Variants in AP2B1 observed in about 807,000 individuals in gnomAD.
AP2B1 encodes the protein adaptor related protein complex 2 subunit beta 1.
A neutral mutation model predicts 102.0 loss-of-function variants in AP2B1; 23 were observed. The ratio of observed to expected loss-of-function variants is 0.23; its 90% CI spans 0.16 to 0.32. AP2B1 has a LOEUF of 0.32. AP2B1 is among the 10% of genes least tolerant of loss of function. The pLI is 1.00. For missense variants in AP2B1, 541 were observed against 1,157.4 expected (o/e 0.47, Z 7.73); for synonymous variants, 381 against 421.2 (o/e 0.90, Z 1.17).
At chr17:35,639,998 C>G (rs1025583455) in intron 11 of AP2B1, among the ~76,000 whole-genome samples, 1 of 152,092 alleles carries the variant, frequency 6.6e-6, no homozygotes, top group Non-Finnish European at 1.5e-5. Context: ...CTCACTGCAA[C>G]CTTTGCCTCC....
At chr17:35,642,472 A>G (rs1598148988) in intron 12 of AP2B1, among the ~76,000 whole-genome samples, 1 of 152,302 alleles carries the variant, frequency 6.6e-6, no homozygotes, top group South Asian at 2.1e-4. Context: ...GTCAGAAGAA[A>G]AGAAGTTTAG....
At chr17:35,594,397 T>C (rs1467592453) in intron 2 of AP2B1, among the ~76,000 whole-genome samples, 2 of 152,156 alleles carry the variant, frequency 1.3e-5, no homozygotes, top group African/African-American at 2.4e-5. Context: ...TATTAAATAA[T>C]TTTTACTTGG....
chr17:35,655,401 G>A (rs1018774012), intron 13 of AP2B1, among the ~76,000 whole-genome samples: 1 of 152,112 alleles, frequency 6.6e-6, no homozygotes, highest in Non-Finnish European at 1.5e-5. Context: ...CATTTTGTCT[G>A]TTCCTGAGTG....
intron 12 of AP2B1, 39 bp from the exon 13 acceptor site, chr17:35,650,491 A>G: frequency 6.2e-7 from 1 of 1,602,260 alleles, no homozygotes; most frequent in Non-Finnish European, 8.5e-7. Flanking sequence ...TATGGAGAAC[A>G]GTTTCATCTC....
At chr17:35,662,272 A>G (rs570218976) in intron 14 of AP2B1, among the ~76,000 whole-genome samples, 1 of 152,268 alleles carries the variant, frequency 6.6e-6, no homozygotes, top group Admixed American at 6.5e-5. Flanking sequence ...TTACTGAAAC[A>G]TCCTTATTTT....
intron 16 of AP2B1, among the ~76,000 whole-genome samples, chr17:35,673,603 A>G (rs2075636907): frequency 6.6e-6 from 1 of 152,234 alleles, no homozygotes; most frequent in Non-Finnish European, 1.5e-5. Flanking sequence ...CATTCAGATT[A>G]TATGAGCAAT....
At chr17:35,696,879 A>G (rs2076151366) in intron 18 of AP2B1, among the ~76,000 whole-genome samples, 1 of 152,038 alleles carries the variant, frequency 6.6e-6, no homozygotes, top group Admixed American at 6.6e-5. Context: ...TTTTCCCACC[A>G]CTGCTATGTC....
At position 35,624,587 on chromosome 17, in the gene AP2B1, G is replaced by T. The variant is rs375608434; in HGVS notation, c.716G>T (p.Ser239Ile). Reference sequence around the variant, plus strand: ...CCTAAAGATGATCGGGAGGCTCAGAGGTCAGTCTGTTTTCCTGGCTACTTT... The same window carrying T: ...CCTAAAGATGATCGGGAGGCTCAGATGTCAGTCTGTTTTCCTGGCTACTTT... ...YNPKDDREAQ[S>I]ICERVTPRLS... The change falls in exon 6 of 22, where the codon AGC (serine) becomes ATC (isoleucine). Residue 239 changes from serine to isoleucine, a missense_variant and splice_region_variant. By Grantham distance (142) the Ser-to-Ile change is moderately radical. Coordinates refer to ENST00000610402, the MANE Select transcript of AP2B1 (RefSeq NM_001030006.2). 3 of 1,608,570 alleles carry T rather than the reference G, an allele frequency of 1.9e-6. No individual in the cohort carries two copies. In the African/African-American group the frequency reaches 4.0e-5, roughly 22 times the overall value.
At chr17:35,612,878 GCGCACACACACA>G (rs1362591303) in intron 5 of AP2B1, among the ~76,000 whole-genome samples, 3 of 79,710 alleles carry the variant, frequency 3.8e-5, no homozygotes, top group East Asian at 3.6e-4. Flanking sequence ...ATGTGTATGT[GCGCACACACACA>G]CACACACACA....
intron 18 of AP2B1, among the ~76,000 whole-genome samples, chr17:35,697,883 T>G (rs902332865): frequency 1.2e-4 from 18 of 151,964 alleles, no homozygotes; most frequent in African/African-American, 4.3e-4. Context: ...AATCACAAAC[T>G]CAGGAGGCAG....
At chr17:35,602,963 C>T (rs1047444215) in intron 3 of AP2B1, among the ~76,000 whole-genome samples, 2 of 152,136 alleles carry the variant, frequency 1.3e-5, no homozygotes, top group Non-Finnish European at 2.9e-5. Context: ...AAATAGAAAA[C>T]ACATTTTTGG....
intron 9 of AP2B1, among the ~76,000 whole-genome samples, chr17:35,634,230 T>C (rs949156128): frequency 3.3e-5 from 5 of 152,328 alleles, no homozygotes; most frequent in African/African-American, 7.2e-5. Context: ...AGAAACTAGG[T>C]CATTAGGCTT....
chr17:35,657,648 G>A lies in AP2B1; in HGVS notation c.1846G>A (p.Glu616Lys). ...PVGTTTATNL[E>K]QPQVIPSQGD... ...TGGCACTACCACTGCAACGAACCTG[G>A]AACAGCCTCAGGTTATCCCCTCTCA... Residue 616 changes from glutamate to lysine, a missense_variant, in exon 14 of 22, where the codon GAA becomes AAA. Glu to Lys is a moderately conservative substitution (Grantham distance 56, BLOSUM62 1). Transcript: ENST00000610402. 1.2e-6 allele frequency: 2 copies of A among 1,614,096 alleles called. No individual in the cohort carries two copies. Among genetic ancestry groups the A allele is most frequent in the Non-Finnish European group, 1.7e-6 (2 of 1,179,984 alleles).
intron 2 of AP2B1, 84 bp downstream of exon 2, chr17:35,594,151 C>G: frequency 1.2e-6 from 1 of 822,132 alleles, no homozygotes; most frequent in Middle Eastern, 2.6e-4. Context: ...CTGCTGACCT[C>G]TTCCTTCAGA....
chr17:35,632,225 C>T (rs2074482806), intron 9 of AP2B1, among the ~76,000 whole-genome samples: 1 of 151,990 alleles, frequency 6.6e-6, no homozygotes, highest in Non-Finnish European at 1.5e-5. Flanking sequence ...ACCTCTGCCT[C>T]CTGGGTTCAA....
intron 9 of AP2B1, 94 bp downstream of exon 9, chr17:35,627,820 A>G: frequency 2.9e-6 from 3 of 1,040,942 alleles, no homozygotes; most frequent in Non-Finnish European, 4.1e-6. Context: ...TTATCAAAAT[A>G]ATAAAGCACA....
intron 9 of AP2B1, among the ~76,000 whole-genome samples, chr17:35,628,909 A>G (rs932880139): frequency 3.3e-5 from 5 of 152,184 alleles, no homozygotes; most frequent in African/African-American, 1.2e-4. Flanking sequence ...GCAAATGATT[A>G]CATTTTCTTT....
At chr17:35,622,255 G>A (rs2074200750) in intron 5 of AP2B1, among the ~76,000 whole-genome samples, 1 of 152,170 alleles carries the variant, frequency 6.6e-6, no homozygotes, top group African/African-American at 2.4e-5. Context: ...TTTACCAAGT[G>A]AGTCTCTGAT....
intron 1 of AP2B1, among the ~76,000 whole-genome samples, chr17:35,592,805 T>C (rs1159672160): frequency 6.6e-6 from 1 of 152,208 alleles, no homozygotes; most frequent in Non-Finnish European, 1.5e-5. Flanking sequence ...CCTCACAAAG[T>C]GCTGGGATTA....
Sources: allele counts gnomAD v4.1 joint callset (sites outside exome capture counted in the v4.1 genomes callset), GRCh38; gene constraint gnomAD v4.1.1; transcripts MANE v1.5; gene names NCBI Gene and HGNC (gene_info 2026-07-23, HGNC 2026-07-21).